The following CLYBL variants were observed in gnomAD, a reference collection of about 807,000 sequenced individuals.
The protein encoded by CLYBL is citramalyl-CoA lyase.
CLYBL carries 31 observed loss-of-function variants against 38.9 expected under a neutral mutation model. The observed-to-expected ratio is 0.80, with a 90% CI of 0.60 to 1.08. CLYBL has a LOEUF of 1.08. CLYBL is among the 50% of genes least tolerant of loss of function. CLYBL has a pLI of 0.00. For missense variants in CLYBL, 434 were observed against 411.6 expected, an observed-to-expected ratio of 1.05 and a Z score of -0.47; for synonymous variants, 171 against 158.6, an observed-to-expected ratio of 1.08 and a Z score of -0.59.
intron 1 of CLYBL, among the ~76,000 whole-genome samples, chr13:99,621,484 C>T (rs976776424): frequency 3.3e-5 from 5 of 152,298 alleles, no homozygotes; most frequent in Non-Finnish European, 5.9e-5. Context: ...TTAAGGTGAT[C>T]GAGATGCAGA....
chr13:99,750,989 TCCAGCAGTCCCACTTC>T (rs2048946386), intron 1 of CLYBL, among the ~76,000 whole-genome samples: 1 of 152,128 alleles, frequency 6.6e-6, no homozygotes, highest in South Asian at 2.1e-4. Flanking sequence ...TACCAGATGA[TCCAGCAGTCCCACTTC>T]TGGGTATGGA....
chr13:99,788,862 A>G (rs1251633240), intron 2 of CLYBL, among the ~76,000 whole-genome samples: 5 of 152,126 alleles, frequency 3.3e-5, no homozygotes, highest in Admixed American at 3.3e-4. Flanking sequence ...GCTATTAATT[A>G]TTGCCTCAAT....
chr13:99,850,777 G>A (rs1255170806), intron 2 of CLYBL, among the ~76,000 whole-genome samples: 1 of 152,118 alleles, frequency 6.6e-6, no homozygotes, highest in Non-Finnish European at 1.5e-5. Context: ...CAATCCAAAT[G>A]TCTACCAACA....
intron 1 of CLYBL, among the ~76,000 whole-genome samples, chr13:99,656,330 G>A (rs980262993): frequency 2.0e-5 from 3 of 151,998 alleles, no homozygotes; most frequent in African/African-American, 4.8e-5. Context: ...GTGTTCAGTC[G>A]GGTCCACGGC....
At chr13:99,766,837 G>T (rs2049278143) in intron 1 of CLYBL, among the ~76,000 whole-genome samples, 1 of 152,124 alleles carries the variant, frequency 6.6e-6, no homozygotes, top group South Asian at 2.1e-4. Context: ...CTGGCTAGGG[G>T]TCCATGCCCA....
chr13:99,865,237 C>T lies in CLYBL; in HGVS notation c.634+326C>T. Reference sequence around the variant, plus strand: ...AATAAATATATTATGTGAACAGCCTCACCGTTGCTTCAGTATTTTGTTTTC... The same window carrying T: ...AATAAATATATTATGTGAACAGCCTTACCGTTGCTTCAGTATTTTGTTTTC... On this transcript the variant is annotated intron_variant, in intron 5 of 8. Transcript: ENST00000339105. This position sits in a 1 kb window ranked among gnomAD's most constrained non-coding sequence, Gnocchi z 4.7. 2.8e-6 allele frequency: 1 copy of T among 352,280 alleles called. No individual in the cohort carries two copies. Among genetic ancestry groups the T allele is most frequent in the Non-Finnish European group, 5.5e-6 (1 of 181,202 alleles). The allele number at this position is 352,280 out of a possible 1,614,324, so 21.8% of individuals were successfully genotyped here. A position where few individuals can be genotyped will look rare whatever the true frequency, so the allele number is the denominator to read the frequency against.
chr13:99,740,633 G>T (rs1172654310), intron 1 of CLYBL, among the ~76,000 whole-genome samples: 1 of 152,196 alleles, frequency 6.6e-6, no homozygotes, highest in Non-Finnish European at 1.5e-5. Flanking sequence ...TAACGAGCTG[G>T]AAAGTCCACA....
intron 1 of CLYBL, among the ~76,000 whole-genome samples, chr13:99,647,744 G>T (rs916123715): frequency 2.0e-5 from 3 of 152,182 alleles, no homozygotes; most frequent in Admixed American, 2.0e-4. Context: ...CAAATTTGGT[G>T]CCCAAGACAG....
chr13:99,643,512 T>G (rs2047126803), intron 1 of CLYBL, among the ~76,000 whole-genome samples: 2 of 152,206 alleles, frequency 1.3e-5, no homozygotes, highest in African/African-American at 2.4e-5. Context: ...TTCAAGAAAT[T>G]GTCTCAATTT....
intron 1 of CLYBL, among the ~76,000 whole-genome samples, chr13:99,736,327 C>T (rs1214631382): frequency 2.0e-5 from 3 of 151,752 alleles, no homozygotes; most frequent in East Asian, 1.9e-4. Flanking sequence ...TATGAGCCAC[C>T]GCACCCGGCC....
At chr13:99,620,603 C>T (rs1355793963) in intron 1 of CLYBL, among the ~76,000 whole-genome samples, 1 of 152,152 alleles carries the variant, frequency 6.6e-6, no homozygotes, top group African/African-American at 2.4e-5. Context: ...TGATAAAACC[C>T]TGTCTCTACT....
intron 9 of CLYBL, among the ~76,000 whole-genome samples, chr13:99,906,829 A>G (rs1318039486): frequency 6.6e-6 from 1 of 152,216 alleles, no homozygotes; most frequent in Admixed American, 6.5e-5. Context: ...CTTGAGGATT[A>G]AGAAAGAATT....
intron 6 of CLYBL, 132 bp downstream of exon 6, chr13:99,866,539 G>A: frequency 1.4e-6 from 1 of 702,586 alleles, no homozygotes; most frequent in Non-Finnish European, 2.2e-6. Context: ...ATATGAGCAA[G>A]TCACACAGGG....
chr13:99,891,751 A>T (rs72656015), intron 8 of CLYBL: 3 of 206,942 alleles, frequency 1.4e-5, no homozygotes. Context: ...CCAAATAGAC[A>T]TATTCCCTCC....
intron 7 of CLYBL, among the ~76,000 whole-genome samples, chr13:99,883,681 C>T (rs997662329): frequency 6.6e-6 from 1 of 152,142 alleles, no homozygotes; most frequent in Non-Finnish European, 1.5e-5. Context: ...TACCACACCC[C>T]TTAGTTTTGT....
intron 2 of CLYBL, among the ~76,000 whole-genome samples, chr13:99,780,114 C>T (rs1433013273): frequency 6.6e-6 from 1 of 152,078 alleles, no homozygotes; most frequent in Non-Finnish European, 1.5e-5. Flanking sequence ...GAAAATTTGC[C>T]AATGTCTTTA....
chr13:99,871,073 T>C lies in CLYBL; in HGVS notation c.927+11T>C, dbSNP rs773343197. 13 of 1,613,508 alleles carry C rather than the reference T, an allele frequency of 8.1e-6. No homozygotes were observed. Among genetic ancestry groups the C allele is most frequent in the African/African-American group, 8.0e-5 (6 of 74,898 alleles). ...CAACAATTAGGAAAGGTAAATGTTT[T>C]GTTAATGCCTTGGGTGAGAGCAGTA... On this transcript the variant is annotated intron_variant, in intron 7 of 8. Transcript: ENST00000339105.
At chr13:99,852,345 C>T (rs979842792) in intron 2 of CLYBL, among the ~76,000 whole-genome samples, 5 of 152,080 alleles carry the variant, frequency 3.3e-5, no homozygotes, top group Non-Finnish European at 7.4e-5. Context: ...CTCAAGTGAT[C>T]CTCCCACTGC....
At chr13:99,787,439 C>G (rs2049820951) in intron 2 of CLYBL, among the ~76,000 whole-genome samples, 1 of 152,182 alleles carries the variant, frequency 6.6e-6, no homozygotes, top group Non-Finnish European at 1.5e-5. Context: ...TTTCCCAGAA[C>G]TACTTATTAA....
Sources: allele counts gnomAD v4.1 joint callset (sites outside exome capture counted in the v4.1 genomes callset), GRCh38; gene constraint gnomAD v4.1.1; non-coding constraint Gnocchi (gnomAD v3.1); transcripts MANE v1.5; gene names NCBI Gene and HGNC (gene_info 2026-07-23, HGNC 2026-07-21).